Variants in AGBL4 observed in about 807,000 individuals in gnomAD.
AGBL4 encodes AGBL carboxypeptidase 4, also known as cytosolic carboxypeptidase 6.
A neutral mutation model predicts 66.4 loss-of-function variants in AGBL4; 58 were observed. The observed-to-expected ratio is 0.87, with a 90% CI of 0.71 to 1.09. The LOEUF (loss-of-function observed/expected upper bound fraction) is 1.09, where lower values mean the gene tolerates loss of function less well. Ranked by LOEUF, AGBL4 falls within the 50% of genes least tolerant of loss-of-function variation. AGBL4 has a pLI of 0.00. For synonymous variants in AGBL4, 234 were observed against 222.9 expected (o/e 1.05, Z -0.44); for missense variants, 579 against 631.0 (o/e 0.92, Z 0.88).
chr1:49,988,738 T>C (rs1053968520), intron 1 of AGBL4, among the ~76,000 whole-genome samples: 1 of 152,166 alleles, frequency 6.6e-6, no homozygotes, highest in African/African-American at 2.4e-5. Context: ...GAAAAAACTA[T>C]GATTCTGCAG....
chr1:49,261,407 A>G (rs1032740272), intron 3 of AGBL4, among the ~76,000 whole-genome samples: 16 of 152,230 alleles, frequency 1.1e-4, no homozygotes, highest in South Asian at 6.2e-4. Context: ...TATCTAGAAG[A>G]CCCCATTGGC....
chr1:49,788,717 C>T (rs1007879527), intron 2 of AGBL4, among the ~76,000 whole-genome samples: 3 of 152,096 alleles, frequency 2.0e-5, no homozygotes, highest in African/African-American at 7.2e-5. Context: ...CTCTGAATAA[C>T]ACAGAGAAAT....
At chr1:49,235,997 G>GATTTATTT (rs3052026) in intron 4 of AGBL4, among the ~76,000 whole-genome samples, 9,491 of 148,428 alleles carry the variant, frequency 0.064, 357 homozygotes, top group South Asian at 0.13. Flanking sequence ...CATTTTGAAG[G>GATTTATTT]ATTTATTTAT....
intron 5 of AGBL4, among the ~76,000 whole-genome samples, chr1:48,889,865 A>G (rs1436433045): frequency 6.6e-6 from 1 of 152,070 alleles, no homozygotes; most frequent in East Asian, 1.9e-4. Context: ...ATTGGGAGGA[A>G]TTTCCTCCGA....
intron 3 of AGBL4, among the ~76,000 whole-genome samples, chr1:49,666,613 A>G (rs968531832): frequency 1.3e-5 from 2 of 151,896 alleles, no homozygotes; most frequent in African/African-American, 4.8e-5. Context: ...AAATTAAAAA[A>G]TGGCTTTACA....
intron 3 of AGBL4, among the ~76,000 whole-genome samples, chr1:49,339,647 G>A (rs184721033): frequency 1.1e-4 from 17 of 152,310 alleles, no homozygotes; most frequent in African/African-American, 3.4e-4. Flanking sequence ...AAACTAGGCC[G>A]TAGAGAAATT....
At chr1:48,619,882 C>T (rs1340943556) in intron 9 of AGBL4, among the ~76,000 whole-genome samples, 3 of 152,216 alleles carry the variant, frequency 2.0e-5, no homozygotes, top group Non-Finnish European at 4.4e-5. Context: ...CGCCCCAAGC[C>T]TCTCCTGGTG....
At chr1:49,332,365 A>G (rs1645352371) in intron 3 of AGBL4, among the ~76,000 whole-genome samples, 1 of 152,220 alleles carries the variant, frequency 6.6e-6, no homozygotes, top group African/African-American at 2.4e-5. Context: ...TTCCCATCAA[A>G]TAAAACACCA....
chr1:49,272,101 C>G (rs1283775357), intron 3 of AGBL4, among the ~76,000 whole-genome samples: 1 of 152,134 alleles, frequency 6.6e-6, no homozygotes, highest in Admixed American at 6.5e-5. Context: ...TTTCTTTGTG[C>G]ACTTAGTTTT....
chr1:48,649,409 T>G (rs1190414041), intron 8 of AGBL4, among the ~76,000 whole-genome samples: 2 of 152,234 alleles, frequency 1.3e-5, no homozygotes, highest in Non-Finnish European at 2.9e-5. Context: ...ATAAGGTAAC[T>G]GTTATCTATT....
chr1:49,655,277 T>A (rs1323456307), intron 3 of AGBL4, among the ~76,000 whole-genome samples: 1 of 152,224 alleles, frequency 6.6e-6, no homozygotes, highest in Non-Finnish European at 1.5e-5. Context: ...CACTCTCTTC[T>A]GGCTTGTAGA....
intron 3 of AGBL4, among the ~76,000 whole-genome samples, chr1:49,440,796 G>A (rs1301569065): frequency 6.6e-6 from 1 of 152,170 alleles, no homozygotes; most frequent in African/African-American, 2.4e-5. Flanking sequence ...CTGTTAAAGT[G>A]AAGGCATTGA....
intron 1 of AGBL4, among the ~76,000 whole-genome samples, chr1:49,854,088 G>A (rs934741442): frequency 2.0e-5 from 3 of 152,004 alleles, no homozygotes; most frequent in African/African-American, 7.2e-5. Context: ...AAATAGCAAT[G>A]TATTGTCTGT....
At chr1:49,199,710 C>A (rs935616857) in intron 4 of AGBL4, among the ~76,000 whole-genome samples, 1 of 152,178 alleles carries the variant, frequency 6.6e-6, no homozygotes, top group Non-Finnish European at 1.5e-5. Context: ...CCTCCCTGAA[C>A]CTTCTCTCCA....
At chr1:49,128,666 G>A (rs1286740475) in intron 4 of AGBL4, among the ~76,000 whole-genome samples, 1 of 151,838 alleles carries the variant, frequency 6.6e-6, no homozygotes, top group African/African-American at 2.4e-5. Context: ...ATATCCAATG[G>A]AAAAAATAAA....
At chr1:48,640,136 T>C (rs1645731239) in intron 8 of AGBL4, among the ~76,000 whole-genome samples, 2 of 152,172 alleles carry the variant, frequency 1.3e-5, no homozygotes, top group Non-Finnish European at 2.9e-5. Flanking sequence ...CAAGAAAGAA[T>C]GGGGCTATTT....
At chr1:49,396,117 C>G (rs1479083295) in intron 3 of AGBL4, among the ~76,000 whole-genome samples, 3 of 151,718 alleles carry the variant, frequency 2.0e-5, no homozygotes, top group Non-Finnish European at 4.4e-5. Flanking sequence ...CCATGCTAAT[C>G]TTCACCTATC....
At chr1:50,013,466 A>G (rs1346335530) in intron 1 of AGBL4, among the ~76,000 whole-genome samples, 2 of 152,186 alleles carry the variant, frequency 1.3e-5, no homozygotes, top group African/African-American at 4.8e-5. Flanking sequence ...ATGCAAATTA[A>G]AGACCCCACA....
chr1:49,562,451 G>T (rs1005018170), intron 3 of AGBL4, among the ~76,000 whole-genome samples: 3 of 152,118 alleles, frequency 2.0e-5, no homozygotes, highest in Non-Finnish European at 2.9e-5. Flanking sequence ...GGTCTAACAT[G>T]TAAGTCTTTA....
Sources: gnomAD v4.1 joint callset for allele counts (sites outside exome capture counted in the v4.1 genomes callset) on GRCh38, gnomAD v4.1.1 for gene constraint, MANE v1.5 for transcripts, NCBI Gene and HGNC (gene_info 2026-07-23, HGNC 2026-07-21) for gene names.